Variants in PRKAR1A observed in about 807,000 individuals in gnomAD.
PRKAR1A encodes the protein cAMP-dependent protein kinase type I-alpha regulatory subunit.
Under a neutral mutation model 52.0 loss-of-function variants are expected in PRKAR1A, and 3 were observed. The ratio of observed to expected loss-of-function variants is 0.06; its 90% CI spans 0.03 to 0.15. The LOEUF (loss-of-function observed/expected upper bound fraction) is 0.15. Ranked by LOEUF, PRKAR1A falls within the 10% of genes least tolerant of loss-of-function variation. PRKAR1A has a pLI of 1.00. For synonymous variants in PRKAR1A, 188 were observed against 168.4 expected, an observed-to-expected ratio of 1.12 and a Z score of -0.90; for missense variants, 240 against 477.4, an observed-to-expected ratio of 0.50 and a Z score of 4.63.
upstream of PRKAR1A, among the ~76,000 whole-genome samples, chr17:68,510,994 AAAAAC>A (rs1430060154): frequency 2.0e-5 from 3 of 152,216 alleles, no homozygotes; most frequent in African/African-American, 7.2e-5. Flanking sequence ...CTAAGAATTA[AAAAAC>A]AAAAGTGAAA....
At chr17:68,437,518 C>T in the PRKAR1A span, among the ~76,000 whole-genome samples, 1 of 151,442 alleles carries the variant, frequency 6.6e-6, no homozygotes, top group East Asian at 1.9e-4. Flanking sequence ...AGTGCCACTG[C>T]ACTCCAGCCT....
the PRKAR1A span, among the ~76,000 whole-genome samples, chr17:68,501,095 A>G: frequency 6.9e-6 from 1 of 145,862 alleles, no homozygotes; most frequent in Non-Finnish European, 1.5e-5. Flanking sequence ...CTCGGAGCAT[A>G]CTCCTCCTTG....
At chr17:68,481,931 A>G in the PRKAR1A span, among the ~76,000 whole-genome samples, 1 of 152,230 alleles carries the variant, frequency 6.6e-6, no homozygotes, top group Non-Finnish European at 1.5e-5. Context: ...GGTACGTGCT[A>G]GGCAATGCGC....
the PRKAR1A span, among the ~76,000 whole-genome samples, chr17:68,425,382 CTTTTT>C: frequency 2.5e-4 from 33 of 132,248 alleles, no homozygotes; most frequent in Non-Finnish European, 3.0e-4. Context: ...TTTTTCTTTT[CTTTTT>C]TTTTTTTTTT....
rs1400604373 is a variant in PRKAR1A, at chr17:68,532,925, G to T, written c.*2476G>T. 1 of 1,065,834 alleles carries T rather than the reference G, an allele frequency of 9.4e-7. No individual in the cohort carries two copies. 66.0% of individuals were successfully genotyped at this position (1,065,834 alleles called of 1,614,324 possible). On this transcript the variant is annotated 3_prime_UTR_variant, in exon 11 of 11. Transcript: ENST00000589228. Reference sequence around the variant, plus strand: ...GTTTATTTTCAGTGCTTTTCAGTTTGTCAAAGAGTGGATCTCAAAATCTTG... The same window carrying T: ...GTTTATTTTCAGTGCTTTTCAGTTTTTCAAAGAGTGGATCTCAAAATCTTG...
the PRKAR1A span, among the ~76,000 whole-genome samples, chr17:68,489,805 C>T: frequency 2.6e-5 from 4 of 152,078 alleles, no homozygotes; most frequent in Non-Finnish European, 4.4e-5. Context: ...ATCCACCCAC[C>T]TTGGCCTCCC....
the PRKAR1A span, among the ~76,000 whole-genome samples, chr17:68,455,812 A>G: frequency 6.6e-6 from 1 of 152,174 alleles, no homozygotes; most frequent in African/African-American, 2.4e-5. Flanking sequence ...TGTCAAATCT[A>G]ATGATGTTAC....
downstream of PRKAR1A, chr17:68,535,425 C>T (rs1421272496): frequency 2.2e-6 from 1 of 454,062 alleles, no homozygotes; most frequent in South Asian, 1.6e-5. Flanking sequence ...GAGCTGTAGC[C>T]TGCTTTCCTG....
chr17:68,486,494 C>CTCTTTCT, the PRKAR1A span, among the ~76,000 whole-genome samples: 1 of 65,322 alleles, frequency 1.5e-5, no homozygotes, highest in Non-Finnish European at 2.8e-5. Context: ...TCCTTCCTTC[C>CTCTTTCT]TTCCTTCCTT....
downstream of PRKAR1A, chr17:68,536,991 G>C (rs770924714): frequency 4.4e-6 from 2 of 454,732 alleles, no homozygotes; most frequent in South Asian, 3.1e-5. Context: ...ATTTGAACCT[G>C]TCAGAGTTAC....
the PRKAR1A span, among the ~76,000 whole-genome samples, chr17:68,495,999 CT>C: frequency 6.0e-4 from 1 of 1,656 alleles, no homozygotes; most frequent in East Asian, 0.023. Context: ...CTCTCCTCTC[CT>C]CCCCTCCCCT....
chr17:68,453,671 G>T, the PRKAR1A span, among the ~76,000 whole-genome samples: 2 of 151,936 alleles, frequency 1.3e-5, no homozygotes, highest in South Asian at 2.1e-4. Context: ...TAGAGACAGG[G>T]TTTCACCATG....
chr17:68,518,838 T>C (rs1043088774), intron 2 of PRKAR1A, among the ~76,000 whole-genome samples: 1 of 152,232 alleles, frequency 6.6e-6, no homozygotes, highest in Admixed American at 6.5e-5. Flanking sequence ...TGCTTCCTCT[T>C]GAATGCTTTC....
chr17:68,419,298 C>T, the PRKAR1A span, among the ~76,000 whole-genome samples: 28 of 152,296 alleles, frequency 1.8e-4, no homozygotes, highest in South Asian at 1.0e-3. Context: ...TGGTGGCTCA[C>T]GCCTGTAATC....
the PRKAR1A span, chr17:68,452,800 G>A: frequency 4.3e-6 from 4 of 926,428 alleles, no homozygotes; most frequent in Non-Finnish European, 6.5e-6. Context: ...CCCTAAGTTT[G>A]ATGGCTAAGG....
intron 11 of PRKAR1A, chr17:68,540,445 A>C: frequency 2.1e-6 from 1 of 467,466 alleles, no homozygotes; most frequent in Non-Finnish European, 4.3e-6. Context: ...TCTCCCTAGA[A>C]GTCCCTGTGG....
chr17:68,522,463 TAATG>T (rs1369085632), intron 2 of PRKAR1A, among the ~76,000 whole-genome samples: 1 of 152,232 alleles, frequency 6.6e-6, no homozygotes, highest in African/African-American at 2.4e-5. Context: ...GTCAAGACAT[TAATG>T]AATATCTGAT....
chr17:68,546,774 G>C (rs1177958400), intron 11 of PRKAR1A, among the ~76,000 whole-genome samples: 1 of 148,462 alleles, frequency 6.7e-6, no homozygotes, highest in African/African-American at 2.5e-5. Context: ...AGCTTGCAGT[G>C]AGCTGAGATT....
intron 2 of PRKAR1A, among the ~76,000 whole-genome samples, chr17:68,522,386 A>G (rs1400106665): frequency 6.6e-6 from 1 of 152,190 alleles, no homozygotes; most frequent in Non-Finnish European, 1.5e-5. Flanking sequence ...GTAGCATCCA[A>G]AAAAACCCAA....
Sources: gnomAD v4.1 joint callset for allele counts (sites outside exome capture counted in the v4.1 genomes callset) on GRCh38, gnomAD v4.1.1 for gene constraint, MANE v1.5 for transcripts, NCBI Gene and HGNC (gene_info 2026-07-23, HGNC 2026-07-21) for gene names.